The following LRBA variants were observed in gnomAD, a reference collection of about 807,000 sequenced individuals.
LRBA encodes lipopolysaccharide-responsive and beige-like anchor protein.
In LRBA, 176 loss-of-function variants were observed where a neutral mutation model predicts 330.0. That is an observed-to-expected ratio of 0.53 (90% CI 0.47 to 0.60). The LOEUF is 0.60. Among genes scored for constraint, LRBA ranks in the 20% least tolerant of loss-of-function variants. LRBA has a pLI of 0.00. For synonymous variants in LRBA, 1,230 were observed against 1,193.0 expected, an observed-to-expected ratio of 1.03 and a Z score of -0.64; for missense variants, 3,259 against 3,444.8, an observed-to-expected ratio of 0.95 and a Z score of 1.35.
chr4:150,265,642 A>G lies in LRBA; in HGVS notation c.*80T>C, dbSNP rs1019089729. The G allele has an allele frequency of 7.6e-6, 7 of 923,544 alleles. No individual in the cohort carries two copies. Among genetic ancestry groups the G allele is most frequent in the African/African-American group, 1.6e-5 (1 of 61,608 alleles). The allele number at this position is 923,544 out of a possible 1,614,324, so 57.2% of individuals were successfully genotyped here. On this transcript the variant is annotated 3_prime_UTR_variant, in exon 57 of 57. Coordinates refer to ENST00000651943, the MANE Select transcript of LRBA (RefSeq NM_001364905.1). ...GCTTCTTTGAGCAAATTTAAGTTAC[A>G]TTCAGATGTGGTAGAAGAGAATGAT... is the stretch of plus-strand genomic sequence containing the variant.
At chr4:150,704,409 T>C (rs1785414257) in intron 36 of LRBA, among the ~76,000 whole-genome samples, 1 of 151,834 alleles carries the variant, frequency 6.6e-6, no homozygotes, top group Admixed American at 6.6e-5. Flanking sequence ...ATTTTTCTTC[T>C]TTTCTTTGCT....
At chr4:150,963,178 C>A (rs944475729) in intron 2 of LRBA, among the ~76,000 whole-genome samples, 1 of 148,224 alleles carries the variant, frequency 6.7e-6, no homozygotes, top group Admixed American at 6.6e-5. Context: ...CTCTCCCCCT[C>A]CCCCTCCCCT....
intron 35 of LRBA, among the ~76,000 whole-genome samples, chr4:150,743,526 C>T (rs1204289252): frequency 2.0e-5 from 3 of 152,098 alleles, no homozygotes; most frequent in African/African-American, 4.8e-5. Flanking sequence ...AAAGAAAATA[C>T]ACTTTCTTTT....
intron 33 of LRBA, among the ~76,000 whole-genome samples, chr4:150,804,883 T>A (rs143315216): frequency 7.6e-4 from 115 of 152,062 alleles, no homozygotes; most frequent in African/African-American, 2.4e-3. Flanking sequence ...AAGGCCAAGG[T>A]AGGGTTCAAT....
chr4:151,013,028 G>A (rs1216495597), intron 2 of LRBA: 3 of 152,210 alleles, frequency 2.0e-5, no homozygotes, highest in Non-Finnish European at 2.9e-5. Context: ...GCTTCCTGAG[G>A]TGCTGGGATT....
intron 44 of LRBA, among the ~76,000 whole-genome samples, chr4:150,446,405 A>G (rs975779981): frequency 1.1e-4 from 17 of 152,246 alleles, no homozygotes; most frequent in Non-Finnish European, 1.5e-5. Flanking sequence ...TAAGTGCAAC[A>G]GAAGACACTC....
intron 54 of LRBA, among the ~76,000 whole-genome samples, chr4:150,284,301 G>A (rs1747891583): frequency 6.6e-6 from 1 of 152,168 alleles, no homozygotes; most frequent in Non-Finnish European, 1.5e-5. Flanking sequence ...TTAGATGCTG[G>A]TTCCAACTTA....
chr4:150,932,624 A>G (rs1226086791), intron 2 of LRBA, among the ~76,000 whole-genome samples: 1 of 152,126 alleles, frequency 6.6e-6, no homozygotes, highest in Non-Finnish European at 1.5e-5. Flanking sequence ...ACTTATTAAG[A>G]GCAATTTGGG....
chr4:150,583,787 T>C lies in LRBA; in HGVS notation c.6330+4261A>G. ...GGCTGCCGAAACAAGTGCCTCTCAG[T>C]GCTGAAGACTCTGCGGGACCGCCAC... On this transcript the variant is annotated intron_variant, in intron 40 of 56. Transcript: ENST00000651943. This position sits in a 1 kb window ranked among gnomAD's most constrained non-coding sequence, Gnocchi z 9.8. 1 of 1,614,144 alleles carries C rather than the reference T, an allele frequency of 6.2e-7. No individual in the cohort carries two copies. The highest frequency in any genetic ancestry group is 8.5e-7 in the Non-Finnish European group (1 of 1,180,030).
chr4:150,571,918 C>G (rs375028674), intron 40 of LRBA, among the ~76,000 whole-genome samples: 3 of 150,902 alleles, frequency 2.0e-5, no homozygotes, highest in Non-Finnish European at 4.4e-5. Flanking sequence ...GGTCCTGGTA[C>G]GACCCAAACT....
chr4:150,423,521 CCA>C (rs1426364625), intron 46 of LRBA: 1 of 461,002 alleles, frequency 2.2e-6, no homozygotes, highest in East Asian at 5.2e-5. Context: ...TGTCCTGGAG[CCA>C]CAGAGACTGG....
chr4:150,873,611 A>G (rs1157288674), intron 17 of LRBA, among the ~76,000 whole-genome samples: 1 of 151,964 alleles, frequency 6.6e-6, no homozygotes, highest in Non-Finnish European at 1.5e-5. Flanking sequence ...CAAACAAACA[A>G]AGATCTAGGA....
intron 28 of LRBA, among the ~76,000 whole-genome samples, chr4:150,837,432 G>C (rs1172691098): frequency 3.9e-5 from 6 of 152,168 alleles, no homozygotes; most frequent in African/African-American, 1.4e-4. Flanking sequence ...GGGAGTCTAA[G>C]TCTCTTTCTA....
rs142824905 is a variant in LRBA at position 150,728,773 on chromosome 4, C to T, written c.5754+6485G>A. ...TGAATGGAGAAAACTGAAAGCATTT[C>T]CTCTAAGATCTGGAACATGACAAGA... is the stretch of plus-strand genomic sequence containing the variant. On this transcript the variant is annotated intron_variant, in intron 36 of 56. Transcript: ENST00000651943. Among the ~76,000 whole-genome samples the T allele has an allele frequency of 3.9e-3, 589 of 152,150 alleles. 1 individual carries two copies. Among genetic ancestry groups the T allele is most frequent in the African/African-American group, 0.013 (555 of 41,512 alleles).
rs114938046 is a variant in LRBA, at chr4:150,346,330, T to A, written c.7362+3662A>T. Among the ~76,000 whole-genome samples the A allele has an allele frequency of 9.0e-3, 1,370 of 152,006 alleles. 17 individuals carry two copies. The highest frequency in any genetic ancestry group is 0.026 in the African/African-American group (1,098 of 41,478). Reference sequence around the variant, plus strand: ...AATATAAAAACAAATTAAGGTGTGATGTGTGGAAGACTATCAGTTAAGGCT... The same window carrying A: ...AATATAAAAACAAATTAAGGTGTGAAGTGTGGAAGACTATCAGTTAAGGCT... On this transcript the variant is annotated intron_variant, in intron 48 of 56. Transcript: ENST00000651943.
intron 40 of LRBA, among the ~76,000 whole-genome samples, chr4:150,549,955 T>C (rs181479910): frequency 6.6e-6 from 1 of 152,340 alleles, no homozygotes; most frequent in East Asian, 1.9e-4. Context: ...ATAGGTTTCA[T>C]AGTCTCTTAG....
At chr4:150,842,875 G>C (rs1749299583) in intron 28 of LRBA, among the ~76,000 whole-genome samples, 1 of 151,970 alleles carries the variant, frequency 6.6e-6, no homozygotes, top group Non-Finnish European at 1.5e-5. Context: ...TTTCATAGAA[G>C]ACAATTTTTC....
chr4:150,272,512 C>T (rs542916275), intron 56 of LRBA, among the ~76,000 whole-genome samples: 1 of 151,990 alleles, frequency 6.6e-6, no homozygotes, highest in East Asian at 1.9e-4. Flanking sequence ...GTAATAAACT[C>T]CTCCGAGCTA....
At chr4:150,294,562 CCACACAGGGCTACTGT>C (rs1318680537) in intron 53 of LRBA, among the ~76,000 whole-genome samples, 2 of 151,996 alleles carry the variant, frequency 1.3e-5, no homozygotes, top group Admixed American at 1.3e-4. Context: ...ACAGTAGATA[CCACACAGGGCTACTGT>C]GAAGATTAAT....
Sources: allele counts gnomAD v4.1 joint callset (sites outside exome capture counted in the v4.1 genomes callset), GRCh38; gene constraint gnomAD v4.1.1; non-coding constraint Gnocchi (gnomAD v3.1); transcripts MANE v1.5; gene names NCBI Gene and HGNC (gene_info 2026-07-23, HGNC 2026-07-21).